The following CACHD1 variants were observed in gnomAD, a reference collection of about 807,000 sequenced individuals.
CACHD1 encodes cache domain containing 1.
CACHD1 carries 71 observed loss-of-function variants against 138.7 expected under a neutral mutation model. That is an observed-to-expected ratio of 0.51 (90% confidence interval 0.42 to 0.62). The LOEUF (loss-of-function observed/expected upper bound fraction) is 0.62. Ranked by LOEUF, CACHD1 falls within the 20% of genes least tolerant of loss-of-function variation. The pLI is 0.00. For missense variants in CACHD1, 1,389 were observed against 1,625.3 expected, an observed-to-expected ratio of 0.85 and a Z score of 2.50; for synonymous variants, 578 against 591.5, an observed-to-expected ratio of 0.98 and a Z score of 0.33.
intron 8 of CACHD1, 115 bp from the exon 9 acceptor site, chr1:64,647,686 A>C (rs1200375079): frequency 5.1e-6 from 4 of 789,284 alleles, no homozygotes; most frequent in African/African-American, 1.7e-5. Context: ...CTCTGCAAAA[A>C]CCCCTTTGGT....
intron 1 of CACHD1, among the ~76,000 whole-genome samples, chr1:64,536,963 G>A (rs1452484569): frequency 1.3e-5 from 2 of 152,132 alleles, no homozygotes; most frequent in Non-Finnish European, 2.9e-5. Flanking sequence ...TGGATAATTT[G>A]TTCTGGGTTA....
At chr1:64,635,160 A>G (rs1006438759) in intron 7 of CACHD1, among the ~76,000 whole-genome samples, 1 of 151,672 alleles carries the variant, frequency 6.6e-6, no homozygotes, top group Non-Finnish European at 1.5e-5. Context: ...CTGCCCCTTT[A>G]TTTAGATCAT....
chr1:64,472,839 C>G (rs1037435786), intron 1 of CACHD1, among the ~76,000 whole-genome samples: 3 of 152,118 alleles, frequency 2.0e-5, no homozygotes, highest in Non-Finnish European at 2.9e-5. Flanking sequence ...GACAAGAAAT[C>G]TTAGGATTCC....
intron 23 of CACHD1, 138 bp from the exon 24 acceptor site, chr1:64,679,457 A>T (rs1423399074): frequency 1.1e-6 from 1 of 903,084 alleles, no homozygotes; most frequent in East Asian, 2.4e-5. Context: ...ATGTTTGAGG[A>T]ACTCAAAGCC....
rs753419626 is a variant in CACHD1, at chr1:64,678,203, GT to G, written c.3138del (p.Ser1046ArgfsTer36). 6.2e-7 allele frequency: 1 copy of G among 1,612,698 alleles called. No individual in the cohort carries two copies. The highest frequency in any genetic ancestry group is 8.5e-7 in the Non-Finnish European group (1 of 1,179,492). On this transcript the variant is annotated frameshift_variant, in exon 23 of 27. Transcript: ENST00000651257. LOFTEE classifies it high-confidence loss of function. ...GATTGTGAATGGTGCATGGTGGACAGTGATGGAAAGACTCACCTGGACAAAC... is the reference window on the plus strand; with the variant it reads ...GATTGTGAATGGTGCATGGTGGACAGGATGGAAAGACTCACCTGGACAAAC... Reference protein sequence around the residue: ...VLDCEWCMVDSDGKTHLDKPY... With the variant: ...VLDCEWCMVDXDGKTHLDKPY...
intron 1 of CACHD1, among the ~76,000 whole-genome samples, chr1:64,506,737 C>A (rs956096774): frequency 1.3e-5 from 2 of 152,180 alleles, no homozygotes; most frequent in African/African-American, 2.4e-5. Context: ...TTGCCCGTTA[C>A]TTACTGTGTT....
At chr1:64,685,514 A>G (rs1463388174) in intron 26 of CACHD1, among the ~76,000 whole-genome samples, 2 of 152,042 alleles carry the variant, frequency 1.3e-5, no homozygotes, top group African/African-American at 2.4e-5. Flanking sequence ...AGCTTAGGAG[A>G]TAGGGTAAAG....
chr1:64,691,441 T>G lies in CACHD1; in HGVS notation c.3705T>G (p.Pro1235=), dbSNP rs757444167. The G allele has an allele frequency of 6.2e-7, 1 of 1,614,074 alleles. No homozygotes were observed. The highest frequency in any genetic ancestry group is 1.3e-5 in the African/African-American group (1 of 74,994). Residue 1235 remains proline, a synonymous_variant, in exon 27 of 27, where the codon CCT becomes CCG. Transcript: ENST00000651257. ...AGGACTTAGACCTGGATACCCCCCCTCAGACTGCTGCCCTACTAAGTCACA... is the reference window on the plus strand; with the variant it reads ...AGGACTTAGACCTGGATACCCCCCCGCAGACTGCTGCCCTACTAAGTCACA... The part of the protein sequence containing the change: ...HDEDLDLDTP[P]QTAALLSHKF...
rs192786159 is a variant in CACHD1, at chr1:64,520,583, G to A, written c.199-30011G>A. The stretch of plus-strand genomic sequence containing the variant: ...ATCTCATTACCTATACTGAATTATT[G>A]TTAAGTTAATTAGGCATCCTAACAT... On this transcript the variant is annotated intron_variant, in intron 1 of 26. Coordinates refer to ENST00000651257, the MANE Select transcript of CACHD1 (RefSeq NM_020925.4). Among the ~76,000 whole-genome samples, 918 of 152,256 alleles carry A rather than the reference G, an allele frequency of 6.0e-3. 5 individuals are homozygous for A. Among genetic ancestry groups the A allele is most frequent in the Non-Finnish European group, 9.6e-3 (653 of 68,020 alleles).
intron 2 of CACHD1, among the ~76,000 whole-genome samples, chr1:64,565,311 A>G (rs780126073): frequency 6.6e-6 from 1 of 151,868 alleles, no homozygotes; most frequent in African/African-American, 2.4e-5. Flanking sequence ...GTGCTTGCTA[A>G]ATGTTCATTG....
At chr1:64,687,258 C>G (rs2375523) in intron 26 of CACHD1, among the ~76,000 whole-genome samples, 1 of 152,062 alleles carries the variant, frequency 6.6e-6, no homozygotes, top group Non-Finnish European at 1.5e-5. Context: ...CTCAGCAGAA[C>G]TGCCTGGCAC....
Position 64,576,878 on chromosome 1 carries a change from A to G in CACHD1, c.262-5278A>G, listed in dbSNP as rs372408320. Among the ~76,000 whole-genome samples the G allele has an allele frequency of 5.3e-5, 8 of 151,712 alleles. No homozygotes were observed. In the East Asian group the frequency reaches 1.2e-3, roughly 22 times the overall value. On this transcript the variant is annotated intron_variant, in intron 2 of 26. Coordinates refer to ENST00000651257, the MANE Select transcript of CACHD1 (RefSeq NM_020925.4). ...TAATTTATTCCATGGTACTCAGGTA[A>G]TATTAGGTTTTGGTGGGTTTGTTTG... is the stretch of plus-strand genomic sequence containing the variant.
rs1238419548 is a variant in CACHD1, at chr1:64,523,669, G to A, written c.199-26925G>A. Among the ~76,000 whole-genome samples the A allele has an allele frequency of 2.0e-5, 3 of 152,298 alleles. No individual in the cohort carries two copies. In the East Asian group the frequency reaches 5.8e-4, roughly 29 times the overall value. ...GCCATGCCCTTGGTTGCAGGGTTAT[G>A]TGAGTCTTTTTCTGAAGCTTTTTAA... is the stretch of plus-strand genomic sequence containing the variant. On this transcript the variant is annotated intron_variant, in intron 1 of 26. Coordinates refer to ENST00000651257, the MANE Select transcript of CACHD1 (RefSeq NM_020925.4).
At chr1:64,625,966 A>G (rs1648088083) in intron 4 of CACHD1, among the ~76,000 whole-genome samples, 1 of 152,158 alleles carries the variant, frequency 6.6e-6, no homozygotes, top group African/African-American at 2.4e-5. Context: ...GATGTTTGCT[A>G]GAGTCGAGTC....
intron 8 of CACHD1, among the ~76,000 whole-genome samples, chr1:64,647,004 A>G (rs1409551142): frequency 6.6e-6 from 1 of 152,032 alleles, no homozygotes; most frequent in Non-Finnish European, 1.5e-5. Context: ...TTTGTTTACA[A>G]CAGTCCCCAT....
chr1:64,641,981 T>C lies in CACHD1; in HGVS notation c.1156+12T>C, dbSNP rs1238529856. On this transcript the variant is annotated intron_variant, in intron 8 of 26. Transcript: ENST00000651257. ...TGCCCTCATGAACGGTAGGTAGAGT[T>C]TCAAGATATTCCTTTCAGATCAAAG... is the stretch of plus-strand genomic sequence containing the variant. 1 of 1,538,658 alleles carries C rather than the reference T, an allele frequency of 6.5e-7. No individual in the cohort carries two copies. Among genetic ancestry groups the C allele is most frequent in the Admixed American group, 2.3e-5 (1 of 43,862 alleles).
At chr1:64,541,432 A>G (rs1479382471) in intron 1 of CACHD1, among the ~76,000 whole-genome samples, 1 of 152,206 alleles carries the variant, frequency 6.6e-6, no homozygotes, top group Non-Finnish European at 1.5e-5. Flanking sequence ...TAATGGACAT[A>G]TTACTTTGAT....
intron 3 of CACHD1, among the ~76,000 whole-genome samples, chr1:64,588,439 T>G (rs902179765): frequency 2.7e-5 from 4 of 149,276 alleles, no homozygotes; most frequent in African/African-American, 7.5e-5. Flanking sequence ...TTTTTTTTCT[T>G]AAGACAGAGT....
chr1:64,625,233 G>A (rs982996258), intron 4 of CACHD1, among the ~76,000 whole-genome samples: 1 of 152,188 alleles, frequency 6.6e-6, no homozygotes, highest in Non-Finnish European at 1.5e-5. Context: ...ACTTATAAGT[G>A]GGAGCTAAAT....
Sources: gnomAD v4.1 joint callset for allele counts (sites outside exome capture counted in the v4.1 genomes callset) on GRCh38, gnomAD v4.1.1 for gene constraint, MANE v1.5 for transcripts, NCBI Gene and HGNC (gene_info 2026-07-23, HGNC 2026-07-21) for gene names.